The following RNF135 variants were observed in gnomAD, a reference collection of about 807,000 sequenced individuals.
The protein encoded by RNF135 is ring finger protein 135.
In RNF135, 46 loss-of-function variants were observed where a neutral mutation model predicts 41.9. The ratio of observed to expected loss-of-function variants is 1.10; its 90% CI spans 0.87 to 1.40. The LOEUF (loss-of-function observed/expected upper bound fraction) is 1.40. RNF135 is among the 40% of genes most tolerant of loss of function. The pLI, the probability that RNF135 is intolerant of heterozygous loss-of-function variation, is 0.00. For missense variants in RNF135, 539 were observed against 549.8 expected, an observed-to-expected ratio of 0.98 and a Z score of 0.20; for synonymous variants, 238 against 223.8, an observed-to-expected ratio of 1.06 and a Z score of -0.57.
At chr17:30,982,151 G>A (rs530795380) in intron 1 of RNF135, among the ~76,000 whole-genome samples, 6 of 152,328 alleles carry the variant, frequency 3.9e-5, no homozygotes, top group African/African-American at 9.6e-5. Context: ...ACCCAGGCTC[G>A]GGGCCGGTCC....
At chr17:30,964,561 G>A in the RNF135 span, among the ~76,000 whole-genome samples, 1 of 152,050 alleles carries the variant, frequency 6.6e-6, no homozygotes, top group Non-Finnish European at 1.5e-5. Flanking sequence ...GCAAGATTGC[G>A]CCAGTGCACT....
At chr17:30,986,019 A>G (rs965273145) in intron 2 of RNF135, among the ~76,000 whole-genome samples, 3 of 152,168 alleles carry the variant, frequency 2.0e-5, no homozygotes, top group Non-Finnish European at 4.4e-5. Context: ...TTCTTCAGAA[A>G]GAAGCCTTCA....
chr17:30,977,435 G>A (rs1906558414), intron 1 of RNF135, among the ~76,000 whole-genome samples: 1 of 152,136 alleles, frequency 6.6e-6, no homozygotes, highest in Non-Finnish European at 1.5e-5. Flanking sequence ...GTGCAGTGAC[G>A]TGATCTCGGC....
intron 1 of RNF135, 148 bp from the exon 2 acceptor site, chr17:30,984,469 A>T: frequency 1.3e-6 from 1 of 794,330 alleles, no homozygotes; most frequent in Non-Finnish European, 2.1e-6. Flanking sequence ...TATATGTGAG[A>T]GTTTATTTCT....
At chr17:30,982,859 G>T (rs1425903354) in intron 1 of RNF135, among the ~76,000 whole-genome samples, 3 of 151,872 alleles carry the variant, frequency 2.0e-5, no homozygotes, top group African/African-American at 4.8e-5. Flanking sequence ...GGTTCTTCAG[G>T]GTACCATAAC....
the RNF135 span, among the ~76,000 whole-genome samples, chr17:30,960,316 C>A: frequency 6.6e-6 from 1 of 151,784 alleles, no homozygotes; most frequent in Non-Finnish European, 1.5e-5. Flanking sequence ...CGCTTGAACC[C>A]GGCAGGCGGA....
At chr17:30,977,787 T>G (rs917846113) in intron 1 of RNF135, among the ~76,000 whole-genome samples, 1 of 152,184 alleles carries the variant, frequency 6.6e-6, no homozygotes, top group African/African-American at 2.4e-5. Context: ...CAGGCTAGTC[T>G]CGAACTCCTG....
upstream of RNF135, chr17:30,969,036 G>A (rs949773600): frequency 1.3e-5 from 2 of 152,146 alleles, no homozygotes; most frequent in African/African-American, 2.4e-5. Flanking sequence ...GAGTAGCTGG[G>A]ATCACAGGCC....
At chr17:30,983,318 TAC>T (rs1290936680) in intron 1 of RNF135, among the ~76,000 whole-genome samples, 5 of 36,800 alleles carry the variant, frequency 1.4e-4, no homozygotes, top group Admixed American at 3.4e-4. Context: ...TACATATATG[TAC>T]ATATATATAT....
chr17:30,990,232 T>C (rs1453148889), intron 3 of RNF135, among the ~76,000 whole-genome samples: 1 of 151,470 alleles, frequency 6.6e-6, no homozygotes, highest in South Asian at 2.1e-4. Context: ...TATTCAAAAA[T>C]CAAAACAGGG....
At chr17:30,988,783 T>C (rs1282634225) in intron 3 of RNF135, among the ~76,000 whole-genome samples, 1 of 149,024 alleles carries the variant, frequency 6.7e-6, no homozygotes, top group Admixed American at 6.7e-5. Flanking sequence ...AATTTTGTTT[T>C]GTTTTTGTTT....
At chr17:30,966,390 TTTA>T (rs201705478), upstream of RNF135, among the ~76,000 whole-genome samples, 981 of 130,706 alleles carry the variant, frequency 7.5e-3, 12 homozygotes, top group African/African-American at 0.039. Context: ...TAAGTTTTAT[TTTA>T]TTATTTTTTT....
At chr17:30,974,590 AT>A (rs200291202) in intron 1 of RNF135, among the ~76,000 whole-genome samples, 2,544 of 143,918 alleles carry the variant, frequency 0.018, 72 homozygotes, top group African/African-American at 0.056. Context: ...TCCTTCAGTG[AT>A]TTTTTTTTTT....
intron 1 of RNF135, among the ~76,000 whole-genome samples, chr17:30,983,766 G>T (rs1356429990): frequency 8.4e-5 from 12 of 142,514 alleles, no homozygotes; most frequent in Admixed American, 2.1e-4. Flanking sequence ...TGTTATTTTG[G>T]TTTTTTTTTT....
intron 1 of RNF135, among the ~76,000 whole-genome samples, chr17:30,982,983 T>C (rs1375036157): frequency 6.6e-6 from 1 of 152,172 alleles, no homozygotes; most frequent in East Asian, 1.9e-4. Context: ...TTGACTACTC[T>C]AAATACCTCA....
chr17:30,988,013 A>G lies in RNF135; in HGVS notation c.586A>G (p.Lys196Glu). Residue 196 changes from lysine (K) to glutamate (E), a missense_variant, in exon 3 of 5, where the codon AAA becomes GAA. Lys to Glu is a moderately conservative substitution (Grantham distance 56). Transcript: ENST00000328381. ...KLVTSDTAAG[K>E]IRDILHDLEE... ...GGTGACTTCCGACACAGCTGCAGGG[A>G]AAATCAGAGATATTCTCCATGACCT... 6.2e-7 allele frequency: 1 copy of G among 1,614,184 alleles called. No individual in the cohort carries two copies.
intron 3 of RNF135, 45 bp downstream of exon 3, chr17:30,988,151 G>T: frequency 1.3e-6 from 2 of 1,580,156 alleles, no homozygotes; most frequent in Non-Finnish European, 1.7e-6. Flanking sequence ...TATGGAAGTT[G>T]GGGGGAGTAG....
At chr17:30,964,259 T>G in the RNF135 span, among the ~76,000 whole-genome samples, 1 of 151,708 alleles carries the variant, frequency 6.6e-6, no homozygotes, top group Non-Finnish European at 1.5e-5. Context: ...CGTGGTGGTA[T>G]GCACCTGTAA....
chr17:30,984,898 A>G, intron 2 of RNF135, 138 bp downstream of exon 2: 2 of 1,043,856 alleles, frequency 1.9e-6, no homozygotes, highest in Non-Finnish European at 2.9e-6. Context: ...ACTACCAGAC[A>G]TGGATGATTG....
Sources: allele counts gnomAD v4.1 joint callset (sites outside exome capture counted in the v4.1 genomes callset), GRCh38; gene constraint gnomAD v4.1.1; transcripts MANE v1.5; gene names NCBI Gene and HGNC (gene_info 2026-07-23, HGNC 2026-07-21).